GRM7: variants seen among roughly 807,000 people sequenced by gnomAD.
GRM7 encodes glutamate metabotropic receptor 7.
In GRM7, 35 loss-of-function variants were observed where a neutral mutation model predicts 84.5. That is an observed-to-expected ratio of 0.41 (90% CI 0.32 to 0.55). The LOEUF (loss-of-function observed/expected upper bound fraction) is 0.55, where lower values mean the gene tolerates loss of function less well. GRM7 is among the 20% of genes least tolerant of loss of function. The pLI is 0.19. For synonymous variants in GRM7, 487 were observed against 455.1 expected (o/e 1.07, Z -0.89); for missense variants, 1,003 against 1,194.6 (o/e 0.84, Z 2.36).
chr3:7,436,113 C>T (rs576426186), intron 5 of GRM7, among the ~76,000 whole-genome samples: 2 of 152,202 alleles, frequency 1.3e-5, no homozygotes, highest in South Asian at 4.1e-4. Context: ...TCCCAAAGTG[C>T]CGGGATTACA....
chr3:7,149,916 G>T (rs1694230369), intron 2 of GRM7, among the ~76,000 whole-genome samples: 1 of 152,112 alleles, frequency 6.6e-6, no homozygotes, highest in Admixed American at 6.5e-5. Context: ...AGTAATAGAT[G>T]TTATCTGCCT....
chr3:7,475,174 A>T (rs1698871509), intron 7 of GRM7, among the ~76,000 whole-genome samples: 1 of 152,222 alleles, frequency 6.6e-6, no homozygotes, highest in Admixed American at 6.5e-5. Context: ...AAAGAAGTCT[A>T]CGTTTCTCAT....
At chr3:6,902,183 G>T (rs189282793) in intron 1 of GRM7, among the ~76,000 whole-genome samples, 1 of 152,130 alleles carries the variant, frequency 6.6e-6, no homozygotes, top group East Asian at 1.9e-4. Context: ...CTACCGTGAA[G>T]CACATACTTC....
chr3:7,196,237 G>T (rs1308121436), intron 2 of GRM7, among the ~76,000 whole-genome samples: 2 of 152,068 alleles, frequency 1.3e-5, no homozygotes, highest in Admixed American at 1.3e-4. Flanking sequence ...GTGCTATTCA[G>T]GTCTTTAACT....
At chr3:7,078,284 G>C (rs1696012014) in intron 1 of GRM7, among the ~76,000 whole-genome samples, 1 of 152,178 alleles carries the variant, frequency 6.6e-6, no homozygotes, top group South Asian at 2.1e-4. Context: ...CCAGAAACTT[G>C]TTAGAAATGC....
intron 4 of GRM7, among the ~76,000 whole-genome samples, chr3:7,323,541 C>A (rs1412077428): frequency 6.6e-6 from 1 of 152,156 alleles, no homozygotes; most frequent in Non-Finnish European, 1.5e-5. Flanking sequence ...GTGGTTTCAT[C>A]TGATTTTCTG....
intron 7 of GRM7, among the ~76,000 whole-genome samples, chr3:7,477,249 C>T (rs1170574907): frequency 2.0e-5 from 3 of 152,108 alleles, no homozygotes; most frequent in African/African-American, 7.2e-5. Context: ...GCAAGATACT[C>T]AGCTGCCTAG....
intron 4 of GRM7, among the ~76,000 whole-genome samples, chr3:7,386,893 T>C (rs1291976520): frequency 1.3e-5 from 2 of 152,206 alleles, no homozygotes; most frequent in Non-Finnish European, 2.9e-5. Flanking sequence ...CAATGGTGCG[T>C]AAGTGTTCCC....
At chr3:7,132,908 T>A (rs1210903545) in intron 1 of GRM7, among the ~76,000 whole-genome samples, 1 of 152,240 alleles carries the variant, frequency 6.6e-6, no homozygotes, top group Non-Finnish European at 1.5e-5. Flanking sequence ...ACTTGACTAT[T>A]CAATAAACCA....
chr3:7,604,736 TA>T (rs1433853991), intron 8 of GRM7, among the ~76,000 whole-genome samples: 4 of 152,164 alleles, frequency 2.6e-5, no homozygotes, highest in African/African-American at 9.7e-5. Context: ...GGAAGACAGA[TA>T]CATTGAAACC....
chr3:7,669,612 G>A (rs975880292), intron 8 of GRM7, among the ~76,000 whole-genome samples: 5 of 152,240 alleles, frequency 3.3e-5, no homozygotes, highest in Admixed American at 6.5e-5. Context: ...CGAAGAACAT[G>A]TGGAAGACAA....
chr3:7,286,834 A>C (rs1469975188), intron 2 of GRM7, among the ~76,000 whole-genome samples: 2 of 152,192 alleles, frequency 1.3e-5, no homozygotes, highest in Non-Finnish European at 2.9e-5. Flanking sequence ...TGGAGAATGA[A>C]AAATCTTTCA....
chr3:7,347,467 ACT>A (rs1692942642), intron 4 of GRM7, among the ~76,000 whole-genome samples: 1 of 151,740 alleles, frequency 6.6e-6, no homozygotes, highest in Admixed American at 6.6e-5. Context: ...TAACTAGAAA[ACT>A]CTATTTTGAG....
intron 8 of GRM7, among the ~76,000 whole-genome samples, chr3:7,656,852 A>G (rs576263973): frequency 1.1e-4 from 17 of 152,356 alleles, no homozygotes; most frequent in Non-Finnish European, 1.9e-4. Context: ...ATTTTTATCA[A>G]CTGAAGTATG....
At chr3:7,511,177 C>A (rs975065480) in intron 7 of GRM7, among the ~76,000 whole-genome samples, 1 of 152,106 alleles carries the variant, frequency 6.6e-6, no homozygotes, top group African/African-American at 2.4e-5. Flanking sequence ...AAAAAGTGAG[C>A]CTGAGGAGCT....
At chr3:7,686,180 A>C (rs1239433533) in intron 9 of GRM7, among the ~76,000 whole-genome samples, 4 of 152,192 alleles carry the variant, frequency 2.6e-5, no homozygotes, top group Non-Finnish European at 5.9e-5. Context: ...CCATGTTCAG[A>C]GGTACCTGAA....
At chr3:7,316,063 G>A (rs1026893493) in intron 4 of GRM7, among the ~76,000 whole-genome samples, 4 of 152,130 alleles carry the variant, frequency 2.6e-5, no homozygotes, top group Admixed American at 2.6e-4. Context: ...AATTATCCAA[G>A]TATCTATCAG....
chr3:7,740,151 C>G (rs377716572), intron 9 of GRM7, among the ~76,000 whole-genome samples: 2 of 152,070 alleles, frequency 1.3e-5, no homozygotes, highest in African/African-American at 2.4e-5. Flanking sequence ...GAGAAGAGAA[C>G]GCAATTGATT....
At chr3:7,504,219 T>A (rs1291822762) in intron 7 of GRM7, among the ~76,000 whole-genome samples, 4 of 152,200 alleles carry the variant, frequency 2.6e-5, no homozygotes, top group Non-Finnish European at 5.9e-5. Context: ...AGAACGAGAA[T>A]AAGGAGAGAC....
Sources: gnomAD v4.1 joint callset for allele counts (sites outside exome capture counted in the v4.1 genomes callset) on GRCh38, gnomAD v4.1.1 for gene constraint, MANE v1.5 for transcripts, NCBI Gene and HGNC (gene_info 2026-07-23, HGNC 2026-07-21) for gene names.